CELF6: variants seen among roughly 807,000 people sequenced by gnomAD.
CELF6 encodes CUGBP Elav-like family member 6.
Under a neutral mutation model 53.1 loss-of-function variants are expected in CELF6, and 32 were observed. The ratio of observed to expected loss-of-function variants is 0.60; its 90% CI spans 0.46 to 0.81. The LOEUF (loss-of-function observed/expected upper bound fraction) is 0.81. Ranked by LOEUF, CELF6 falls within the 30% of genes least tolerant of loss-of-function variation. The pLI, the probability that CELF6 is intolerant of heterozygous loss-of-function variation, is 0.00. For synonymous variants in CELF6, 291 were observed against 288.8 expected, an observed-to-expected ratio of 1.01 and a Z score of -0.08; for missense variants, 539 against 669.5, an observed-to-expected ratio of 0.81 and a Z score of 2.15.
chr15:72,308,593 A>G (rs1444555284), intron 2 of CELF6, among the ~76,000 whole-genome samples: 1 of 152,224 alleles, frequency 6.6e-6, no homozygotes, highest in Non-Finnish European at 1.5e-5. Context: ...CAGATTAGGG[A>G]AGGCTGTGAA....
rs547665410 is a variant in CELF6, at chr15:72,299,003, T to C, written c.394+5743A>G. Among the ~76,000 whole-genome samples the C allele has an allele frequency of 6.6e-5, 10 of 151,448 alleles. No homozygotes were observed. The East Asian group carries it at 1.2e-3, about 18-fold the overall frequency. On this transcript the variant is annotated intron_variant, in intron 3 of 12. Transcript: ENST00000287202. ...CCGGTAAATCACTTGAGGTCAGGAG[T>C]TCAAGACCAGCCTGGGCAACATGGT...
intron 2 of CELF6, 56 bp from the exon 3 acceptor site, chr15:72,304,850 C>T: frequency 6.4e-7 from 1 of 1,567,800 alleles, no homozygotes; most frequent in Non-Finnish European, 8.8e-7. Context: ...TCCTGGAGCC[C>T]CCAGCTTCTC....
At chr15:72,303,000 G>A (rs1035209017) in intron 3 of CELF6, among the ~76,000 whole-genome samples, 5 of 152,132 alleles carry the variant, frequency 3.3e-5, no homozygotes, top group African/African-American at 4.8e-5. Context: ...CATAGCATCC[G>A]TGCTTCATGA....
intron 3 of CELF6, among the ~76,000 whole-genome samples, chr15:72,295,123 C>T (rs2959940): frequency 0.065 from 9,843 of 151,334 alleles, 721 homozygotes; most frequent in African/African-American, 0.17. Flanking sequence ...CACCTGAGGT[C>T]AGGAGTTTGA....
At position 72,301,194 on chromosome 15, in the gene CELF6, A is replaced by G. The variant is rs2088151182; in HGVS notation, c.394+3552T>C. 3.9e-5 allele frequency among the ~76,000 whole-genome samples: 6 copies of G among 152,240 alleles called. No homozygotes were observed. The South Asian group carries it at 1.0e-3, about 26-fold the overall frequency. On this transcript the variant is annotated intron_variant, in intron 3 of 12. Transcript: ENST00000287202. ...TTTTTTGCAGAGACAGGGCTTCACCATGTTGCCCAGGCTGGTCTCAAACTT... is the reference window on the plus strand; with the variant it reads ...TTTTTTGCAGAGACAGGGCTTCACCGTGTTGCCCAGGCTGGTCTCAAACTT...
chr15:72,290,791 A>C (rs2087995541), intron 3 of CELF6, among the ~76,000 whole-genome samples: 2 of 152,168 alleles, frequency 1.3e-5, no homozygotes, highest in African/African-American at 4.8e-5. Flanking sequence ...CACAGAAAAC[A>C]GTCCTGTCAT....
At chr15:72,292,722 G>A (rs1395893926) in intron 3 of CELF6, among the ~76,000 whole-genome samples, 1 of 152,210 alleles carries the variant, frequency 6.6e-6, no homozygotes, top group African/African-American at 2.4e-5. Flanking sequence ...TTTCCAGTGA[G>A]AATCTCACAA....
At chr15:72,299,306 T>C (rs2088120417) in intron 3 of CELF6, among the ~76,000 whole-genome samples, 1 of 151,984 alleles carries the variant, frequency 6.6e-6, no homozygotes, top group Non-Finnish European at 1.5e-5. Context: ...TACAAACATT[T>C]TAATGTTCAT....
intron 3 of CELF6, among the ~76,000 whole-genome samples, chr15:72,299,364 T>C (rs897557518): frequency 7.1e-6 from 1 of 140,592 alleles, no homozygotes; most frequent in African/African-American, 2.7e-5. Context: ...TGTTTTTTCT[T>C]TTTTTTTTTT....
intron 3 of CELF6, among the ~76,000 whole-genome samples, chr15:72,292,703 C>T (rs1414055624): frequency 6.6e-6 from 1 of 152,198 alleles, no homozygotes; most frequent in Non-Finnish European, 1.5e-5. Context: ...TGAAATTTTC[C>T]GATCCTCTTT....
chr15:72,311,633 A>T (rs1021370415), intron 2 of CELF6, among the ~76,000 whole-genome samples: 4 of 150,100 alleles, frequency 2.7e-5, no homozygotes, highest in African/African-American at 9.8e-5. Context: ...CAATCTCCTG[A>T]CCTCGTGATC....
intron 2 of CELF6, among the ~76,000 whole-genome samples, chr15:72,310,546 CTT>C (rs11400175): frequency 1.1e-4 from 15 of 138,316 alleles, no homozygotes; most frequent in Non-Finnish European, 1.1e-4. Flanking sequence ...CCAGAGTAAT[CTT>C]TTTTTTTTTT....
At chr15:72,318,147 A>C (rs903657143) in intron 1 of CELF6, among the ~76,000 whole-genome samples, 2 of 152,218 alleles carry the variant, frequency 1.3e-5, no homozygotes, top group African/African-American at 2.4e-5. Context: ...ACAGACAGGC[A>C]GGTAGTGGGA....
At chr15:72,304,883 T>C (rs2088206692) in intron 2 of CELF6, 89 bp from the exon 3 acceptor site, 6 of 1,184,800 alleles carry the variant, frequency 5.1e-6, no homozygotes, top group Non-Finnish European at 7.5e-6. Context: ...CCTCAGGATC[T>C]GAGCCCTAGC....
chr15:72,287,969 C>G (rs1241500111), intron 11 of CELF6, among the ~76,000 whole-genome samples: 2 of 152,078 alleles, frequency 1.3e-5, no homozygotes, highest in Non-Finnish European at 2.9e-5. Flanking sequence ...TCCTGAGTAG[C>G]TGGGATTACA....
At chr15:72,296,881 G>C (rs2088086762) in intron 3 of CELF6, among the ~76,000 whole-genome samples, 1 of 152,172 alleles carries the variant, frequency 6.6e-6, no homozygotes, top group African/African-American at 2.4e-5. Flanking sequence ...GCTACAGAAA[G>C]CAGTATGGCA....
chr15:72,319,774 G>A lies in CELF6; in HGVS notation c.101C>T (p.Pro34Leu), dbSNP rs1328810678. 8 of 1,580,172 alleles carry A rather than the reference G, an allele frequency of 5.1e-6. No individual in the cohort carries two copies. The highest frequency in any genetic ancestry group is 4.6e-5 in the South Asian group (4 of 86,908). The change falls in exon 1 of 13, where the codon CCC becomes CTC. Residue 34 changes from proline (P) to leucine (L), a missense_variant. Transcript: ENST00000287202. This position sits in a 1 kb window ranked among gnomAD's most constrained non-coding sequence, Gnocchi z 5.0. ...GTCCTTCATGGGTACGGCGGGACCG[G>A]GGTTTAGCCCGCTCATGCCGACGCC... is the stretch of plus-strand genomic sequence containing the variant. Reference protein sequence around the residue: ...DSGVGMSGLNPGPAVPMKDHD... With the variant: ...DSGVGMSGLNLGPAVPMKDHD...
At chr15:72,304,227 C>T (rs2088195320) in intron 3 of CELF6, among the ~76,000 whole-genome samples, 1 of 152,138 alleles carries the variant, frequency 6.6e-6, no homozygotes, top group African/African-American at 2.4e-5. Flanking sequence ...GTGTAGCTAT[C>T]AGAGCTTTCC....
chr15:72,299,109 G>A (rs2088117177), intron 3 of CELF6, among the ~76,000 whole-genome samples: 2 of 151,902 alleles, frequency 1.3e-5, no homozygotes, highest in South Asian at 4.2e-4. Flanking sequence ...TCGGGAGGGT[G>A]AGGCAGGAGA....
Sources: gnomAD v4.1 joint callset for allele counts (sites outside exome capture counted in the v4.1 genomes callset) on GRCh38, gnomAD v4.1.1 for gene constraint, Gnocchi (gnomAD v3.1) non-coding constraint, MANE v1.5 for transcripts, NCBI Gene and HGNC (gene_info 2026-07-23, HGNC 2026-07-21) for gene names.